Variants in RCOR1 observed in about 807,000 individuals in gnomAD.
RCOR1 encodes REST corepressor 1, also known as REST corepressor.
In RCOR1, 12 loss-of-function variants were observed where a neutral mutation model predicts 64.0. That is an observed-to-expected ratio of 0.19 (90% CI 0.12 to 0.30). The LOEUF (loss-of-function observed/expected upper bound fraction) is 0.30. Among genes scored for constraint, RCOR1 ranks in the 10% least tolerant of loss-of-function variants. The pLI is 1.00. For synonymous variants in RCOR1, 279 were observed against 227.2 expected (o/e 1.23, Z -2.05); for missense variants, 502 against 621.2 (o/e 0.81, Z 2.04).
Position 102,629,691 on chromosome 14 carries a change from T to TC in RCOR1, c.361+36367dup, listed in dbSNP as rs151209202. Among the ~76,000 whole-genome samples, 747 of 152,292 alleles carry TC rather than the reference T, an allele frequency of 4.9e-3. 9 individuals carry two copies. The highest frequency in any genetic ancestry group is 0.017 in the African/African-American group (721 of 41,556). On this transcript the variant is annotated intron_variant, in intron 2 of 11. Transcript: ENST00000262241. ...CTAAACATGGATGAGCTGATACAAT[T>TC]CTGAAGGCACCTTGCAGCCTTCTCT...
intron 2 of RCOR1, among the ~76,000 whole-genome samples, 161 bp downstream of exon 2, chr14:102,593,486 A>G (rs562680120): frequency 6.6e-6 from 1 of 152,330 alleles, no homozygotes; most frequent in African/African-American, 2.4e-5. Flanking sequence ...GCGCACACGC[A>G]CACGAGTGTT....
intron 4 of RCOR1, among the ~76,000 whole-genome samples, chr14:102,706,428 T>C (rs1237733591): frequency 6.6e-6 from 1 of 152,108 alleles, no homozygotes; most frequent in African/African-American, 2.4e-5. Flanking sequence ...ATTATAATAA[T>C]ATCAGTCAAA....
chr14:102,688,389 C>G (rs1372393665), intron 3 of RCOR1, among the ~76,000 whole-genome samples: 1 of 152,152 alleles, frequency 6.6e-6, no homozygotes, highest in East Asian at 1.9e-4. Context: ...AAAGGCAGGC[C>G]AGCTTCTTAA....
chr14:102,644,453 T>C (rs1894438827), intron 2 of RCOR1, among the ~76,000 whole-genome samples: 1 of 152,206 alleles, frequency 6.6e-6, no homozygotes, highest in Admixed American at 6.5e-5. Flanking sequence ...TGTGACCACC[T>C]TTGGAAAACA....
chr14:102,638,385 C>CT (rs569824430), intron 2 of RCOR1, among the ~76,000 whole-genome samples: 104 of 151,372 alleles, frequency 6.9e-4, no homozygotes, highest in Non-Finnish European at 1.1e-3. Context: ...TCTTTCTTTT[C>CT]TTTTTTTTTG....
chr14:102,628,987 C>T (rs1306758587), intron 2 of RCOR1, among the ~76,000 whole-genome samples: 2 of 151,550 alleles, frequency 1.3e-5, no homozygotes, highest in African/African-American at 4.9e-5. Context: ...ACCTCCTGGG[C>T]CCAAGCGATC....
intron 2 of RCOR1, among the ~76,000 whole-genome samples, chr14:102,672,811 A>T (rs1290023887): frequency 6.6e-6 from 1 of 152,228 alleles, no homozygotes; most frequent in Non-Finnish European, 1.5e-5. Context: ...TGGGAATGTA[A>T]ATGTAAATTG....
At chr14:102,595,152 G>A (rs1893215938) in intron 2 of RCOR1, among the ~76,000 whole-genome samples, 1 of 152,138 alleles carries the variant, frequency 6.6e-6, no homozygotes, top group Non-Finnish European at 1.5e-5. Flanking sequence ...CTGTCTTTGG[G>A]CTTTTTGTTG....
chr14:102,639,329 A>G (rs892827019), intron 2 of RCOR1, among the ~76,000 whole-genome samples: 2 of 144,138 alleles, frequency 1.4e-5, no homozygotes, highest in African/African-American at 5.2e-5. Context: ...CAGTGACATG[A>G]TCAGGTTTCA....
chr14:102,708,240 C>T (rs2139984902), intron 5 of RCOR1, among the ~76,000 whole-genome samples: 1 of 152,256 alleles, frequency 6.6e-6, no homozygotes, highest in East Asian at 1.9e-4. Context: ...GCTGGGATTA[C>T]AGGCGTGAGT....
chr14:102,701,294 C>T lies in RCOR1; in HGVS notation c.462C>T (p.Ala154=), dbSNP rs752187557. ...GTTTTTCAGTGGATGAATACATTGCCATTGCCAAAGAAAAGCATGGGTACA... is the reference window on the plus strand; with the variant it reads ...GTTTTTCAGTGGATGAATACATTGCTATTGCCAAAGAAAAGCATGGGTACA... ...LSEAKLDEYI[A]IAKEKHGYNM... is the part of the protein sequence containing the mutation. The change falls in exon 4 of 12, where the codon GCC becomes GCT. Residue 154 remains alanine, a synonymous_variant. Transcript: ENST00000262241. 19 of 1,612,766 alleles carry T rather than the reference C, an allele frequency of 1.2e-5. No individual in the cohort carries two copies. In the Admixed American group the frequency reaches 3.2e-4, roughly 27 times the overall value.
At chr14:102,667,605 T>A (rs1042263833) in intron 2 of RCOR1, among the ~76,000 whole-genome samples, 1 of 152,180 alleles carries the variant, frequency 6.6e-6, no homozygotes, top group Admixed American at 6.6e-5. Context: ...GAATTTAGCC[T>A]GCAACCTTTA....
intron 2 of RCOR1, among the ~76,000 whole-genome samples, chr14:102,638,571 C>G (rs1282537198): frequency 1.3e-5 from 2 of 152,062 alleles, no homozygotes; most frequent in African/African-American, 4.8e-5. Flanking sequence ...GTCTCGAACT[C>G]CTGACTTCAA....
At chr14:102,637,556 T>G (rs934346117) in intron 2 of RCOR1, among the ~76,000 whole-genome samples, 1 of 152,148 alleles carries the variant, frequency 6.6e-6, no homozygotes, top group Admixed American at 6.6e-5. Context: ...GCTTAGGTGA[T>G]CCTCCCATCT....
intron 2 of RCOR1, among the ~76,000 whole-genome samples, chr14:102,652,848 T>C (rs1229648232): frequency 6.6e-6 from 1 of 152,186 alleles, no homozygotes; most frequent in Non-Finnish European, 1.5e-5. Flanking sequence ...TCGGGAAGAT[T>C]TGAGGGGAGT....
At chr14:102,669,898 A>C (rs1423657225) in intron 2 of RCOR1, among the ~76,000 whole-genome samples, 1 of 152,224 alleles carries the variant, frequency 6.6e-6, no homozygotes, top group African/African-American at 2.4e-5. Flanking sequence ...ACTCATGCGT[A>C]GCATCTCAGG....
intron 2 of RCOR1, among the ~76,000 whole-genome samples, chr14:102,604,113 A>AT (rs559022445): frequency 6.6e-6 from 1 of 151,910 alleles, no homozygotes; most frequent in African/African-American, 2.4e-5. Flanking sequence ...AGAATTGACA[A>AT]TTTTTTTTGT....
chr14:102,643,683 C>G (rs1288829904), intron 2 of RCOR1, among the ~76,000 whole-genome samples: 1 of 152,190 alleles, frequency 6.6e-6, no homozygotes, highest in Non-Finnish European at 1.5e-5. Flanking sequence ...AGGAATTAGA[C>G]TTTCCCTAGC....
chr14:102,648,267 C>T (rs373068508), intron 2 of RCOR1, among the ~76,000 whole-genome samples: 21 of 152,206 alleles, frequency 1.4e-4, no homozygotes, highest in African/African-American at 4.1e-4. Flanking sequence ...TTAGTAGAGA[C>T]GGGGTTTCAC....
Sources: allele counts gnomAD v4.1 joint callset (sites outside exome capture counted in the v4.1 genomes callset), GRCh38; gene constraint gnomAD v4.1.1; transcripts MANE v1.5; gene names NCBI Gene and HGNC (gene_info 2026-07-23, HGNC 2026-07-21).